TSGA13: variants seen among roughly 807,000 people sequenced by gnomAD.
TSGA13 encodes the protein testis-specific gene 13 protein.
TSGA13 carries 37 observed loss-of-function variants against 35.1 expected under a neutral mutation model. That is an observed-to-expected ratio of 1.05 (90% CI 0.81 to 1.39). The LOEUF (loss-of-function observed/expected upper bound fraction) is 1.39. Among genes scored for constraint, TSGA13 ranks in the 40% most tolerant of loss-of-function variants. The probability of loss-of-function intolerance (pLI) is 0.00; values close to 1 mark genes in which losing one functional copy is unlikely to be tolerated. For synonymous variants in TSGA13, 124 were observed against 121.2 expected (o/e 1.02, Z -0.15); for missense variants, 338 against 328.5 (o/e 1.03, Z -0.22).
chr7:130,685,640 A>G (rs908373069), intron 1 of TSGA13, among the ~76,000 whole-genome samples: 1 of 152,222 alleles, frequency 6.6e-6, no homozygotes, highest in Non-Finnish European at 1.5e-5. Context: ...ATGAGATTTA[A>G]CTATAAAAAG....
intron 5 of TSGA13, among the ~76,000 whole-genome samples, chr7:130,678,922 G>T (rs6974207): frequency 0.19 from 29,156 of 152,150 alleles, 2,988 homozygotes; most frequent in Middle Eastern, 0.25. Flanking sequence ...AGCTACTCAG[G>T]AGGCTGAGAT....
At chr7:130,675,743 A>G (rs914532781) in intron 5 of TSGA13, among the ~76,000 whole-genome samples, 4 of 152,190 alleles carry the variant, frequency 2.6e-5, no homozygotes, top group Non-Finnish European at 4.4e-5. Flanking sequence ...TACTGCTTCA[A>G]TCTTTTCATT....
At chr7:130,673,345 C>G (rs1796328074) in intron 5 of TSGA13, among the ~76,000 whole-genome samples, 1 of 152,130 alleles carries the variant, frequency 6.6e-6, no homozygotes. Context: ...TATACCATTA[C>G]TAAAGGTCAT....
chr7:130,679,292 T>A lies in TSGA13; in HGVS notation c.250A>T (p.Met84Leu). 6.2e-7 allele frequency: 1 copy of A among 1,614,196 alleles called. No individual in the cohort carries two copies. The highest frequency in any genetic ancestry group is 8.5e-7 in the Non-Finnish European group (1 of 1,180,030). Reference protein sequence around the residue: ...LAQNRKNTSFMLKVTQYDQDK... With the variant: ...LAQNRKNTSFLLKVTQYDQDK... ...TGGTCATACTGTGTTACTTTTAACA[T>A]GAAGCTGGTGTTTTTCCTGTTTTGA... The change falls in exon 5 of 8, where the codon ATG becomes TTG. Residue 84 changes from methionine to leucine, a missense_variant. Met to Leu is a conservative substitution (Grantham distance 15). Coordinates refer to ENST00000356588, the MANE Select transcript of TSGA13 (RefSeq NM_052933.4).
chr7:130,684,929 T>G (rs1796627324), intron 2 of TSGA13, among the ~76,000 whole-genome samples: 1 of 152,178 alleles, frequency 6.6e-6, no homozygotes, highest in African/African-American at 2.4e-5. Context: ...CAGGGCCAAT[T>G]TAAGGCATAG....
At position 130,679,202 on chromosome 7, in the gene TSGA13, C is replaced by A; in HGVS notation, c.340G>T (p.Glu114Ter). The part of the protein sequence containing the change: ...PPCSITQQDK[E>*]SASKYFSKEL... Reference sequence around the variant, plus strand: ...TTGGAAAAATATTTTGATGCACTCTCCTTGTCTTGCTGGGTGATTGAGCAG... The same window carrying A: ...TTGGAAAAATATTTTGATGCACTCTACTTGTCTTGCTGGGTGATTGAGCAG... The change falls in exon 5 of 8, where the codon GAG (glutamate) becomes TAG (stop). Residue 114 changes from glutamate to a stop codon, truncating the protein, a stop_gained. Coordinates refer to ENST00000356588, the MANE Select transcript of TSGA13 (RefSeq NM_052933.4). LOFTEE classifies it high-confidence loss of function. The A allele has an allele frequency of 6.2e-7, 1 of 1,614,182 alleles. No homozygotes were observed. The highest frequency in any genetic ancestry group is 1.3e-5 in the African/African-American group (1 of 75,048).
At chr7:130,680,608 A>G (rs1462411624) in intron 4 of TSGA13, among the ~76,000 whole-genome samples, 2 of 151,968 alleles carry the variant, frequency 1.3e-5, no homozygotes, top group Non-Finnish European at 2.9e-5. Flanking sequence ...TTCTCTCAAT[A>G]GGAGAAAGGC....
chr7:130,673,966 G>C (rs1407100022), intron 5 of TSGA13, among the ~76,000 whole-genome samples: 3 of 151,504 alleles, frequency 2.0e-5, no homozygotes, highest in Non-Finnish European at 4.4e-5. Context: ...GTGGTGGCGC[G>C]TGCCTATATT....
Position 130,672,863 on chromosome 7 carries a change from T to C in TSGA13, c.401A>G (p.Gln134Arg). 6.2e-7 allele frequency: 1 copy of C among 1,613,558 alleles called. No individual in the cohort carries two copies. Among genetic ancestry groups the C allele is most frequent in the South Asian group, 1.1e-5 (1 of 90,946 alleles). Residue 134 changes from glutamine (Q) to arginine (R), a missense_variant, in exon 6 of 8, where the codon CAG becomes CGG. Coordinates refer to ENST00000356588, the MANE Select transcript of TSGA13 (RefSeq NM_052933.4). ...CCAGAGGTTCTCAGTGGGTTTGTGCTGATGATGACTTTCCTGTAGGGAAAC... is the reference window on the plus strand; with the variant it reads ...CCAGAGGTTCTCAGTGGGTTTGTGCCGATGATGACTTTCCTGTAGGGAAAC... ...LLLKVMESHH[Q>R]HKPTENLWLP...
At chr7:130,683,966 G>A (rs1465348246) in intron 2 of TSGA13, among the ~76,000 whole-genome samples, 1 of 152,200 alleles carries the variant, frequency 6.6e-6, no homozygotes, top group Non-Finnish European at 1.5e-5. Flanking sequence ...ATTCACAGAA[G>A]TGCTCTAACG....
In TSGA13 at chr7:130,668,761, C is replaced by T. The variant is rs1340634960; in HGVS notation, c.*253G>A. ...AGGCTGCAGGAAGGCCGGCCCCGCG[C>T]TCTCACGCCGGTTGGGCCGCCGCGC... On this transcript the variant is annotated 3_prime_UTR_variant, in exon 8 of 8. Transcript: ENST00000356588. 1.6e-5 allele frequency: 23 copies of T among 1,433,732 alleles called. No individual in the cohort carries two copies. The highest frequency in any genetic ancestry group is 6.0e-5 in the East Asian group (2 of 33,338). The allele number at this position is 1,433,732 out of a possible 1,614,324, so 88.8% of individuals were successfully genotyped here. A position where few individuals can be genotyped will look rare whatever the true frequency, so the allele number is the denominator to read the frequency against.
rs781976539 is a variant in TSGA13, at chr7:130,679,160, C to T, written c.382G>A (p.Val128Ile). 4 of 1,613,580 alleles carry T rather than the reference C, an allele frequency of 2.5e-6. No homozygotes were observed. The African/African-American group carries it at 4.0e-5, about 16-fold the overall frequency. ...KYFSKELLLK[V>I]MESHHQHKPT... Reference sequence around the variant, plus strand: ...GCCAGGAGACTTCTGCTTACCATGACCTTGAGCAGTAACTCCTTGGAAAAA... The same window carrying T: ...GCCAGGAGACTTCTGCTTACCATGATCTTGAGCAGTAACTCCTTGGAAAAA... The change falls in exon 5 of 8, where the codon GTC becomes ATC. Residue 128 changes from valine (V) to isoleucine (I), a missense_variant. By Grantham distance (29) the Val-to-Ile change is conservative. Transcript: ENST00000356588.
At chr7:130,686,738 A>C (rs1212040176), upstream of TSGA13, 5 of 139,490 alleles carry the variant, frequency 3.6e-5, no homozygotes, top group African/African-American at 1.3e-4. Flanking sequence ...ACACACACAC[A>C]CATCTTCACC....
chr7:130,687,361 C>T (rs1040195502), upstream of TSGA13: 1 of 152,168 alleles, frequency 6.6e-6, no homozygotes, highest in Non-Finnish European at 1.5e-5. Context: ...AGCTGTGAGT[C>T]CCTTAAAAGT....
chr7:130,685,815 A>G (rs1026634776), intron 1 of TSGA13, among the ~76,000 whole-genome samples: 5 of 152,186 alleles, frequency 3.3e-5, no homozygotes, highest in Non-Finnish European at 7.3e-5. Context: ...GGATTGCTAT[A>G]CTTTTTGATA....
At chr7:130,678,641 C>A (rs782299851) in intron 5 of TSGA13, among the ~76,000 whole-genome samples, 31 of 152,308 alleles carry the variant, frequency 2.0e-4, no homozygotes, top group South Asian at 4.1e-4. Context: ...TTTCTCCCTG[C>A]AATGAAGTTT....
At chr7:130,677,621 C>T (rs1354744651) in intron 5 of TSGA13, among the ~76,000 whole-genome samples, 2 of 152,044 alleles carry the variant, frequency 1.3e-5, no homozygotes, top group Non-Finnish European at 2.9e-5. Flanking sequence ...GATGGGGTTT[C>T]ACCATGTTGG....
At chr7:130,669,569 G>T (rs1326495047) in intron 7 of TSGA13, among the ~76,000 whole-genome samples, 1 of 152,146 alleles carries the variant, frequency 6.6e-6, no homozygotes, top group East Asian at 1.9e-4. Flanking sequence ...AAGAAACTTT[G>T]TCTGCCTTTG....
At position 130,682,213 on chromosome 7, in the gene TSGA13, G is replaced by A. The variant is rs1310546255; in HGVS notation, c.103-1196C>T. Among the ~76,000 whole-genome samples, 7 of 152,014 alleles carry A rather than the reference G, an allele frequency of 4.6e-5. No individual in the cohort carries two copies. The East Asian group carries it at 5.8e-4, about 13-fold the overall frequency. ...TGGCTCACTGCAACCTCTGCCTCCC[G>A]GGTTCAAGCAATTCTCCTGCCTCAG... On this transcript the variant is annotated intron_variant, in intron 3 of 7. Transcript: ENST00000356588.
Sources: allele counts gnomAD v4.1 joint callset (sites outside exome capture counted in the v4.1 genomes callset), GRCh38; gene constraint gnomAD v4.1.1; transcripts MANE v1.5; gene names NCBI Gene and HGNC (gene_info 2026-07-23, HGNC 2026-07-21).